Variants in CTNNA2 observed in about 807,000 individuals in gnomAD.
CTNNA2 encodes catenin alpha 2, also known as catenin alpha-2.
A neutral mutation model predicts 101.0 loss-of-function variants in CTNNA2; 42 were observed. The observed-to-expected ratio is 0.42, with a 90% confidence interval of 0.32 to 0.54. The LOEUF (loss-of-function observed/expected upper bound fraction) is 0.54, where lower values mean the gene tolerates loss of function less well. Ranked by LOEUF, CTNNA2 falls within the 20% of genes least tolerant of loss-of-function variation. The probability of loss-of-function intolerance (pLI) is 0.14; values close to 1 mark genes in which losing one functional copy is unlikely to be tolerated. For synonymous variants in CTNNA2, 450 were observed against 456.4 expected (o/e 0.99, Z 0.18); for missense variants, 871 against 1,223.1 (o/e 0.71, Z 4.29).
intron 18 of CTNNA2, among the ~76,000 whole-genome samples, chr2:80,643,676 G>A (rs1463312487): frequency 6.6e-6 from 1 of 152,122 alleles, no homozygotes; most frequent in African/African-American, 2.4e-5. Context: ...TAGCAAGACT[G>A]GACCAGGTAA....
chr2:80,206,702 AGGT>A (rs1422613810), intron 7 of CTNNA2, among the ~76,000 whole-genome samples: 1 of 151,980 alleles, frequency 6.6e-6, no homozygotes, highest in African/African-American at 2.4e-5. Context: ...TCCCACTCTG[AGGT>A]GGTGTTTTGA....
intron 7 of CTNNA2, among the ~76,000 whole-genome samples, chr2:80,366,094 C>T (rs1219751827): frequency 6.6e-6 from 1 of 152,130 alleles, no homozygotes; most frequent in Non-Finnish European, 1.5e-5. Flanking sequence ...GAACACTTAA[C>T]ATCCCAAATA....
intron 2 of CTNNA2, among the ~76,000 whole-genome samples, chr2:79,203,948 G>A (rs935763851): frequency 6.6e-6 from 1 of 152,154 alleles, no homozygotes; most frequent in Admixed American, 6.5e-5. Context: ...CACCTCTGCT[G>A]ACATCCTTAG....
intron 7 of CTNNA2, among the ~76,000 whole-genome samples, chr2:79,913,158 A>C (rs999810293): frequency 9.4e-4 from 143 of 152,228 alleles, no homozygotes; most frequent in African/African-American, 3.2e-3. Context: ...ATAGTGATAT[A>C]TGCAAAGAGG....
chr2:80,189,748 T>TG (rs1553465643), intron 7 of CTNNA2, among the ~76,000 whole-genome samples: 1 of 148,366 alleles, frequency 6.7e-6, no homozygotes, highest in Non-Finnish European at 1.5e-5. Context: ...CTCAACCAGT[T>TG]AAAAAAAAAA....
At chr2:79,610,165 A>G in intron 1 of CTNNA2, among the ~76,000 whole-genome samples, 1 of 152,134 alleles carries the variant, frequency 6.6e-6, no homozygotes, top group Middle Eastern at 3.2e-3. Context: ...GCACGTGAAA[A>G]TAATTTCAGC....
chr2:80,500,078 T>C (rs1687762222), intron 9 of CTNNA2, among the ~76,000 whole-genome samples: 1 of 152,116 alleles, frequency 6.6e-6, no homozygotes, highest in South Asian at 2.1e-4. Flanking sequence ...GAATGGAATA[T>C]GATTAAACCT....
rs200507696 is a variant in CTNNA2, at chr2:79,920,589, CA to C, written c.1056+10793del. On this transcript the variant is annotated intron_variant, in intron 7 of 18. Transcript: ENST00000402739. ...ATAACCTATGTGTTTTGAGAACTTT[CA>C]GTCACATAGCTTGGAACCCAATGAT... is the stretch of plus-strand genomic sequence containing the variant. 8.9e-3 allele frequency among the ~76,000 whole-genome samples: 1,354 copies of C among 152,298 alleles called. 29 individuals carry two copies. Among genetic ancestry groups the C allele is most frequent in the African/African-American group, 0.031 (1,305 of 41,562 alleles).
chr2:79,287,841 C>T (rs1181070067), intron 2 of CTNNA2, among the ~76,000 whole-genome samples: 1 of 152,230 alleles, frequency 6.6e-6, no homozygotes, highest in Non-Finnish European at 1.5e-5. Context: ...GCGCCCCTCC[C>T]CCAGCCTCGC....
chr2:79,808,225 T>C (rs1335778755), intron 3 of CTNNA2, among the ~76,000 whole-genome samples: 1 of 151,900 alleles, frequency 6.6e-6, no homozygotes, highest in Non-Finnish European at 1.5e-5. Context: ...TTCAGCAGAG[T>C]TCAAAATGCA....
At chr2:79,571,905 G>T (rs79208326) in intron 1 of CTNNA2, among the ~76,000 whole-genome samples, 11,171 of 151,852 alleles carry the variant, frequency 0.074, 737 homozygotes, top group African/African-American at 0.17. Context: ...GTCTATACTT[G>T]AAGACCCTAG....
chr2:79,707,184 C>G (rs72925420), intron 2 of CTNNA2, among the ~76,000 whole-genome samples: 3 of 152,078 alleles, frequency 2.0e-5, no homozygotes, highest in Non-Finnish European at 2.9e-5. Context: ...CAGTTACTGG[C>G]TTGGTGAAAA....
chr2:79,892,678 C>G (rs1388458371), intron 6 of CTNNA2, among the ~76,000 whole-genome samples: 1 of 152,144 alleles, frequency 6.6e-6, no homozygotes, highest in Non-Finnish European at 1.5e-5. Context: ...TCTGCATAAT[C>G]CATTCATTTC....
chr2:79,222,684 T>C (rs1482393527), intron 2 of CTNNA2, among the ~76,000 whole-genome samples: 1 of 143,018 alleles, frequency 7.0e-6, no homozygotes, highest in Admixed American at 7.6e-5. Flanking sequence ...CTTCCTTTAT[T>C]CTCTCTCTCT....
At chr2:79,346,256 C>G (rs1013557759) in intron 3 of CTNNA2, among the ~76,000 whole-genome samples, 1 of 152,120 alleles carries the variant, frequency 6.6e-6, no homozygotes, top group Non-Finnish European at 1.5e-5. Flanking sequence ...TTGACCTAAC[C>G]CCTGTCACAG....
intron 4 of CTNNA2, among the ~76,000 whole-genome samples, chr2:79,452,747 G>A (rs992403386): frequency 6.6e-6 from 1 of 151,972 alleles, no homozygotes; most frequent in African/African-American, 2.4e-5. Context: ...AGCATGGTAA[G>A]GCTCCACTAG....
chr2:79,201,710 A>G (rs1437826721), intron 2 of CTNNA2, among the ~76,000 whole-genome samples: 1 of 152,148 alleles, frequency 6.6e-6, no homozygotes, highest in Non-Finnish European at 1.5e-5. Context: ...TCAAGCTGGT[A>G]CCAAGCCCTA....
In CTNNA2 at chr2:79,488,530, C is replaced by T. The variant is rs148435933; in HGVS notation, c.-134-16524C>T. On this transcript the variant is annotated intron_variant, in intron 4 of 21. Transcript: ENST00000466387. ...TAGGTGGACACTGGGCATAAACTAC[C>T]AAAATCAACTCATTTAACTGAGTAA... 1.1e-4 allele frequency among the ~76,000 whole-genome samples: 16 copies of T among 152,074 alleles called. No individual in the cohort carries two copies. The East Asian group carries it at 1.2e-3, about 11-fold the overall frequency.
chr2:79,398,552 G>A (rs1280756749), intron 4 of CTNNA2, among the ~76,000 whole-genome samples: 2 of 152,038 alleles, frequency 1.3e-5, no homozygotes, highest in East Asian at 3.9e-4. Context: ...GGGTATCACA[G>A]CTCCTGGAGA....
Sources: allele counts gnomAD v4.1 joint callset (sites outside exome capture counted in the v4.1 genomes callset), GRCh38; gene constraint gnomAD v4.1.1; transcripts MANE v1.5; gene names NCBI Gene and HGNC (gene_info 2026-07-23, HGNC 2026-07-21).